KLHL3: variants seen among roughly 807,000 people sequenced by gnomAD.
KLHL3 encodes kelch like family member 3.
KLHL3 carries 19 observed loss-of-function variants against 70.5 expected under a neutral mutation model. That is an observed-to-expected ratio of 0.27 (90% CI 0.19 to 0.40). The LOEUF is 0.40. Ranked by LOEUF, KLHL3 falls within the 10% of genes least tolerant of loss-of-function variation. The pLI is 1.00. For synonymous variants in KLHL3, 258 were observed against 290.3 expected (o/e 0.89, Z 1.13); for missense variants, 512 against 771.1 (o/e 0.66, Z 3.98).
At chr5:137,721,660 C>T (rs1044421965) in intron 1 of KLHL3, among the ~76,000 whole-genome samples, 9 of 152,162 alleles carry the variant, frequency 5.9e-5, no homozygotes, top group African/African-American at 1.7e-4. Flanking sequence ...AATCAAGAGA[C>T]AAGGGTATGG....
chr5:137,647,728 T>C (rs1477410632), intron 8 of KLHL3: 1 of 399,936 alleles, frequency 2.5e-6, no homozygotes, highest in African/African-American at 2.1e-5. Flanking sequence ...CAACAGTTGC[T>C]CTAGGCAAGT....
intron 1 of KLHL3, among the ~76,000 whole-genome samples, chr5:137,733,844 T>G (rs1227707689): frequency 1.3e-5 from 2 of 152,112 alleles, no homozygotes; most frequent in African/African-American, 4.8e-5. Context: ...GAGTTAGAGT[T>G]CAGAAGACTT....
Position 137,707,291 on chromosome 5 carries a change from G to A in KLHL3, c.241+2459C>T, listed in dbSNP as rs147577754. Among the ~76,000 whole-genome samples the A allele has an allele frequency of 2.9e-3, 435 of 152,262 alleles. 2 individuals are homozygous for A. The highest frequency in any genetic ancestry group is 0.01 in the African/African-American group (421 of 41,548). ...CTACTAAAAATACAAAAATTAGCCA[G>A]GCATGGTGGCACACACCTGTAGTCC... On this transcript the variant is annotated intron_variant, in intron 3 of 14. Coordinates refer to ENST00000309755, the MANE Select transcript of KLHL3 (RefSeq NM_017415.3).
chr5:137,642,508 C>T (rs1750937966), intron 8 of KLHL3, among the ~76,000 whole-genome samples: 1 of 152,224 alleles, frequency 6.6e-6, no homozygotes, highest in Non-Finnish European at 1.5e-5. Flanking sequence ...GAGCCCTGCC[C>T]AGGCAGAAAA....
intron 10 of KLHL3, among the ~76,000 whole-genome samples, chr5:137,637,643 A>G (rs1380206275): frequency 5.3e-5 from 8 of 152,236 alleles, no homozygotes; most frequent in South Asian, 2.1e-4. Context: ...TGTGTCTGAA[A>G]TGCATGGCAA....
At chr5:137,695,418 C>T (rs1445053212) in intron 4 of KLHL3, among the ~76,000 whole-genome samples, 1 of 152,086 alleles carries the variant, frequency 6.6e-6, no homozygotes, top group Non-Finnish European at 1.5e-5. Context: ...GACTCTGAGA[C>T]TAGCTTAGAG....
At chr5:137,694,844 G>T (rs1027398475) in intron 4 of KLHL3, among the ~76,000 whole-genome samples, 1 of 152,136 alleles carries the variant, frequency 6.6e-6, no homozygotes. Flanking sequence ...AGCCCTGAGG[G>T]AGAGGAAGCC....
At chr5:137,688,337 AG>A (rs1043961783) in intron 5 of KLHL3, among the ~76,000 whole-genome samples, 2 of 152,180 alleles carry the variant, frequency 1.3e-5, no homozygotes, top group African/African-American at 4.8e-5. Flanking sequence ...AGCCAGGAAA[AG>A]TAGGAGGGCC....
chr5:137,681,001 C>A (rs1431170099), intron 5 of KLHL3, among the ~76,000 whole-genome samples: 1 of 151,912 alleles, frequency 6.6e-6, no homozygotes, highest in African/African-American at 2.4e-5. Flanking sequence ...AGTGAGGCCC[C>A]TCTCTATTTA....
intron 3 of KLHL3, among the ~76,000 whole-genome samples, chr5:137,699,045 G>C (rs962514232): frequency 6.6e-6 from 1 of 152,128 alleles, no homozygotes; most frequent in Non-Finnish European, 1.5e-5. Flanking sequence ...AAGTTGGGTT[G>C]AAACCCAGGG....
intron 1 of KLHL3, among the ~76,000 whole-genome samples, chr5:137,734,997 T>A (rs1161539505): frequency 1.3e-5 from 2 of 152,224 alleles, no homozygotes; most frequent in African/African-American, 4.8e-5. Flanking sequence ...AAATCCCTGA[T>A]GGAGGAAGCA....
chr5:137,625,511 T>C (rs1750436681), intron 14 of KLHL3, among the ~76,000 whole-genome samples: 1 of 152,216 alleles, frequency 6.6e-6, no homozygotes, highest in Non-Finnish European at 1.5e-5. Flanking sequence ...ATTCTGAGGC[T>C]ATCTTCAGGT....
At chr5:137,670,716 T>A (rs1305440209) in intron 6 of KLHL3, among the ~76,000 whole-genome samples, 2 of 151,908 alleles carry the variant, frequency 1.3e-5, no homozygotes, top group Admixed American at 1.3e-4. Context: ...ACGCCTGTAA[T>A]CCCAGCACTT....
chr5:137,709,635 C>G, intron 3 of KLHL3, 115 bp downstream of exon 3: 1 of 796,544 alleles, frequency 1.3e-6, no homozygotes, highest in Non-Finnish European at 2.1e-6. Context: ...AGAAGCCCCT[C>G]ATAGTGGGCT....
Position 137,735,653 on chromosome 5 carries a change from A to C in KLHL3, c.-7T>G. 1 of 1,613,644 alleles carries C rather than the reference A, an allele frequency of 6.2e-7. No homozygotes were observed. ...CATACCTTTCACCCTCCATTGTGTGAGGCCCAGCCAGGGTGGTAGCTGCTG... is the reference window on the plus strand; with the variant it reads ...CATACCTTTCACCCTCCATTGTGTGCGGCCCAGCCAGGGTGGTAGCTGCTG... On this transcript the variant is annotated 5_prime_UTR_variant, in exon 1 of 15. Coordinates refer to ENST00000309755, the MANE Select transcript of KLHL3 (RefSeq NM_017415.3).
chr5:137,683,129 C>T (rs901799010), intron 5 of KLHL3, among the ~76,000 whole-genome samples: 3 of 152,164 alleles, frequency 2.0e-5, no homozygotes, highest in South Asian at 4.2e-4. Context: ...CAAATTTTAT[C>T]ATCCTTTTAA....
chr5:137,694,842 G>A (rs1449617139), intron 4 of KLHL3, among the ~76,000 whole-genome samples: 1 of 152,104 alleles, frequency 6.6e-6, no homozygotes, highest in East Asian at 1.9e-4. Flanking sequence ...GAAGCCCTGA[G>A]GGAGAGGAAG....
rs530800124 is a variant in KLHL3 at position 137,674,695 on chromosome 5, A to T, written c.636+2850T>A. Among the ~76,000 whole-genome samples the T allele has an allele frequency of 6.6e-5, 10 of 152,352 alleles. No individual in the cohort carries two copies. In the South Asian group the frequency reaches 1.9e-3, roughly 28 times the overall value. The stretch of plus-strand genomic sequence containing the variant: ...CCCAGTTGGGTTTTCTGCAACTGTT[A>T]ACATTATATGCAGTTGAATTTTAAC... On this transcript the variant is annotated intron_variant, in intron 6 of 14. Transcript: ENST00000309755.
intron 6 of KLHL3, among the ~76,000 whole-genome samples, chr5:137,674,326 A>C (rs1297155516): frequency 1.3e-5 from 2 of 152,192 alleles, no homozygotes; most frequent in Non-Finnish European, 2.9e-5. Flanking sequence ...ATCTACTTGT[A>C]TACGGTACAT....
Sources: gnomAD v4.1 joint callset for allele counts (sites outside exome capture counted in the v4.1 genomes callset) on GRCh38, gnomAD v4.1.1 for gene constraint, MANE v1.5 for transcripts, NCBI Gene and HGNC (gene_info 2026-07-23, HGNC 2026-07-21) for gene names.